Variants in RPTOR observed in about 807,000 individuals in gnomAD.
The protein encoded by RPTOR is regulatory associated protein of MTOR complex 1, also known as regulatory-associated protein of mTOR.
A neutral mutation model predicts 169.9 loss-of-function variants in RPTOR; 21 were observed. That is an observed-to-expected ratio of 0.12 (90% CI 0.09 to 0.18). RPTOR has a LOEUF of 0.18. Among genes scored for constraint, RPTOR ranks in the 10% least tolerant of loss-of-function variants. The probability of loss-of-function intolerance (pLI) is 1.00; values close to 1 mark genes in which losing one functional copy is unlikely to be tolerated. For missense variants in RPTOR, 1,133 were observed against 1,855.9 expected (o/e 0.61, Z 7.16); for synonymous variants, 732 against 753.2 (o/e 0.97, Z 0.46).
chr17:80,767,122 C>T (rs1298196329), intron 6 of RPTOR, among the ~76,000 whole-genome samples: 1 of 152,188 alleles, frequency 6.6e-6, no homozygotes, highest in African/African-American at 2.4e-5. Flanking sequence ...CCTATAATCC[C>T]AGCACTTTGG....
At chr17:80,700,709 AT>A (rs2066087422) in intron 3 of RPTOR, among the ~76,000 whole-genome samples, 1 of 28,708 alleles carries the variant, frequency 3.5e-5, no homozygotes, top group African/African-American at 1.3e-4. Context: ...GGTGGTGGTG[AT>A]GGTGGTGGTG....
chr17:80,547,237 A>G (rs967960597), intron 1 of RPTOR, among the ~76,000 whole-genome samples: 3 of 152,176 alleles, frequency 2.0e-5, no homozygotes, highest in African/African-American at 7.2e-5. Flanking sequence ...TATAAATTCT[A>G]TCTTATGGAC....
chr17:80,840,961 A>T (rs1219597219), intron 10 of RPTOR, among the ~76,000 whole-genome samples: 9 of 39,476 alleles, frequency 2.3e-4, no homozygotes, highest in Admixed American at 7.1e-4. Context: ...GCTCACACTC[A>T]CCGCACGGCA....
chr17:80,652,925 T>C (rs959374935), intron 3 of RPTOR, among the ~76,000 whole-genome samples: 1 of 152,228 alleles, frequency 6.6e-6, no homozygotes, highest in African/African-American at 2.4e-5. Flanking sequence ...TACATTGTTA[T>C]TATTATGATA....
At chr17:80,895,331 A>C (rs76650185) in intron 20 of RPTOR, among the ~76,000 whole-genome samples, 1 of 151,758 alleles carries the variant, frequency 6.6e-6, no homozygotes, top group African/African-American at 2.4e-5. Context: ...CCCACGCCCC[A>C]CCTGGAATCA....
At chr17:80,636,926 A>T (rs2065512056) in intron 2 of RPTOR, among the ~76,000 whole-genome samples, 1 of 152,266 alleles carries the variant, frequency 6.6e-6, no homozygotes. Flanking sequence ...GTAGCCTTGC[A>T]GGACGGCCGC....
intron 1 of RPTOR, among the ~76,000 whole-genome samples, chr17:80,563,565 C>CAA (rs10649649): frequency 0.27 from 25,142 of 94,086 alleles, 4,389 homozygotes; most frequent in East Asian, 0.31. Flanking sequence ...ACTAAGTCTC[C>CAA]AAAAAAAAAA....
chr17:80,617,987 C>CT lies in RPTOR; in HGVS notation c.163-7693dup, dbSNP rs1197342364. On this transcript the variant is annotated intron_variant, in intron 1 of 33. Coordinates refer to ENST00000306801, the MANE Select transcript of RPTOR (RefSeq NM_020761.3). ...TTTAGTTTGCTTAAAATAGTTACAA[C>CT]TTTTTTTTTTTAAGACGGGGTCTTG... Among the ~76,000 whole-genome samples, 74 of 146,382 alleles carry CT rather than the reference C, an allele frequency of 5.1e-4. 2 individuals carry two copies. The highest frequency in any genetic ancestry group is 1.3e-3 in the African/African-American group (49 of 39,140).
chr17:80,845,019 A>C lies in RPTOR; in HGVS notation c.1213-1454A>C, dbSNP rs73368831. Among the ~76,000 whole-genome samples the C allele has an allele frequency of 0.067, 9,953 of 149,376 alleles. 427 individuals carry two copies. The highest frequency in any genetic ancestry group is 0.12 in the African/African-American group (4,831 of 40,182). ...AATTCTTTGTATCGGGGGCTCAGGG[A>C]AGGCAGAGCTGTGTGTTAAGTGGAA... On this transcript the variant is annotated intron_variant, in intron 10 of 33. Coordinates refer to ENST00000306801, the MANE Select transcript of RPTOR (RefSeq NM_020761.3). The surrounding 1 kb of genome is among the most constrained non-coding windows in gnomAD (Gnocchi z 5.4).
At chr17:80,584,452 A>T (rs1318940639) in intron 1 of RPTOR, among the ~76,000 whole-genome samples, 7 of 133,286 alleles carry the variant, frequency 5.3e-5, no homozygotes, top group African/African-American at 2.0e-4. Flanking sequence ...CCCTGTGGAA[A>T]TTCTCCTGAC....
At chr17:80,925,920 G>T (rs1236041713) in intron 24 of RPTOR, among the ~76,000 whole-genome samples, 1 of 152,240 alleles carries the variant, frequency 6.6e-6, no homozygotes, top group Admixed American at 6.5e-5. Flanking sequence ...AACAAGCGCC[G>T]TGTGCTGTGG....
At chr17:80,597,444 C>T (rs149303189) in intron 1 of RPTOR, among the ~76,000 whole-genome samples, 357 of 152,254 alleles carry the variant, frequency 2.3e-3, no homozygotes, top group Non-Finnish European at 4.6e-3. Context: ...GAAGGAATCT[C>T]AACCTTATAT....
chr17:80,841,907 TCTCACCGCACGGCAGCTCACA>T lies in RPTOR; in HGVS notation c.1212+3952_1212+3972del, dbSNP rs71166108. Among the ~76,000 whole-genome samples, 68 of 92,474 alleles carry T rather than the reference TCTCACCGCACGGCAGCTCACA, an allele frequency of 7.4e-4. 4 individuals are homozygous for T. Among genetic ancestry groups the T allele is most frequent in the East Asian group, 2.4e-3 (7 of 2,942 alleles). The allele number at this position is 92,474 out of a possible 152,430, so 60.7% of individuals were successfully genotyped here. ...TCACTCTTACCGCACGGCAGCTCAC[TCTCACCGCACGGCAGCTCACA>T]CTCACCGCACGGCAGCTCACACTCA... On this transcript the variant is annotated intron_variant, in intron 10 of 33. Coordinates refer to ENST00000306801, the MANE Select transcript of RPTOR (RefSeq NM_020761.3).
intron 1 of RPTOR, among the ~76,000 whole-genome samples, chr17:80,592,133 G>A (rs2065112348): frequency 6.6e-6 from 1 of 152,130 alleles, no homozygotes; most frequent in African/African-American, 2.4e-5. Flanking sequence ...CTCATTTGAA[G>A]TAGGCTGGAG....
rs149374958 is a variant in RPTOR, at chr17:80,957,378, G to A, written c.3371-246G>A. ...CCCCAGCCTGGACTTGGGAGTTCCA[G>A]CTCAGAATTGTCATCCCGGCCCGGA... On this transcript the variant is annotated intron_variant, in intron 28 of 33. Transcript: ENST00000306801. The surrounding 1 kb of genome is among the most constrained non-coding windows in gnomAD (Gnocchi z 4.6). 6.6e-6 allele frequency among the ~76,000 whole-genome samples: 1 copy of A among 152,134 alleles called. No individual in the cohort carries two copies. The highest frequency in any genetic ancestry group is 2.4e-5 in the African/African-American group (1 of 41,480).
rs1212647730 is a variant in RPTOR at position 80,646,401 on chromosome 17, C to T, written c.348+2591C>T. ...GGTAATAATAGCACTTGCCCCGGTG[C>T]GCGTGGCACACTGCTCCTCACAGCT... On this transcript the variant is annotated intron_variant, in intron 3 of 33. Transcript: ENST00000306801. This position sits in a 1 kb window ranked among gnomAD's most constrained non-coding sequence, Gnocchi z 5.0. 2.6e-5 allele frequency among the ~76,000 whole-genome samples: 4 copies of T among 152,102 alleles called. No individual in the cohort carries two copies. Among genetic ancestry groups the T allele is most frequent in the South Asian group, 2.1e-4 (1 of 4,836 alleles).
At chr17:80,767,855 T>A (rs184440025) in intron 6 of RPTOR, among the ~76,000 whole-genome samples, 43 of 150,734 alleles carry the variant, frequency 2.9e-4, no homozygotes, top group African/African-American at 9.3e-4. Flanking sequence ...ATTTTTTTTT[T>A]ATGATTTTAT....
chr17:80,957,579 G>A lies in RPTOR; in HGVS notation c.3371-45G>A. The A allele has an allele frequency of 6.3e-7, 1 of 1,583,250 alleles. No individual in the cohort carries two copies. Among genetic ancestry groups the A allele is most frequent in the South Asian group, 1.1e-5 (1 of 90,518 alleles). ...GAGCAGGCCCCAAAGCCTGCCCAAG[G>A]CAAGGGCCCATGGGGTGATGCCATG... On this transcript the variant is annotated intron_variant, in intron 28 of 33. Coordinates refer to ENST00000306801, the MANE Select transcript of RPTOR (RefSeq NM_020761.3). This position sits in a 1 kb window ranked among gnomAD's most constrained non-coding sequence, Gnocchi z 4.6.
chr17:80,839,631 C>T (rs2067605298), intron 10 of RPTOR, among the ~76,000 whole-genome samples: 1 of 152,212 alleles, frequency 6.6e-6, no homozygotes, highest in African/African-American at 2.4e-5. Flanking sequence ...AGCTGTCCAC[C>T]CTCAGCCTGC....
Sources: gnomAD v4.1 joint callset for allele counts (sites outside exome capture counted in the v4.1 genomes callset) on GRCh38, gnomAD v4.1.1 for gene constraint, Gnocchi (gnomAD v3.1) non-coding constraint, MANE v1.5 for transcripts, NCBI Gene and HGNC (gene_info 2026-07-23, HGNC 2026-07-21) for gene names.